Variants in AFF2 observed in about 807,000 individuals in gnomAD.
The protein encoded by AFF2 is AF4/FMR2 family member 2.
A neutral mutation model predicts 76.9 loss-of-function variants in AFF2; 14 were observed. That is an observed-to-expected ratio of 0.18 (90% CI 0.12 to 0.28). The LOEUF is 0.28. AFF2 is among the 10% of genes least tolerant of loss of function. AFF2 has a pLI of 1.00. For synonymous variants in AFF2, 398 were observed against 366.7 expected (o/e 1.09, Z -0.98); for missense variants, 868 against 1,001.1 (o/e 0.87, Z 1.79).
intron 1 of AFF2, among the ~76,000 whole-genome samples, chrX:148,585,023 T>C (rs1360017175): frequency 8.9e-6 from 1 of 112,022 alleles, no homozygotes; most frequent in East Asian, 2.8e-4. Context: ...TGTTCCAGGA[T>C]ACTAAATAAT....
chrX:148,559,119 T>C (rs1029182429), intron 1 of AFF2, among the ~76,000 whole-genome samples: 2 of 111,411 alleles, frequency 1.8e-5, no homozygotes, highest in Non-Finnish European at 3.8e-5. Context: ...ACTTCTTTTC[T>C]ACTCCCTCAT....
intron 3 of AFF2, among the ~76,000 whole-genome samples, chrX:148,730,153 C>T (rs2055204100): frequency 8.9e-6 from 1 of 112,075 alleles, no homozygotes; most frequent in African/African-American, 3.2e-5. Flanking sequence ...CCCTGATGGC[C>T]TCTCTTTAAT....
intron 9 of AFF2, among the ~76,000 whole-genome samples, chrX:148,940,299 T>C (rs782486885): frequency 8.9e-6 from 1 of 112,086 alleles, no homozygotes; most frequent in Non-Finnish European, 1.9e-5. Context: ...TGTTTGAATT[T>C]AGTAGGTAGG....
intron 20 of AFF2, 148 bp from the exon 21 acceptor site, chrX:148,991,063 A>G: frequency 1.6e-6 from 1 of 639,820 alleles, no homozygotes. Context: ...GGCACTCTAT[A>G]AATGTTTGTT....
At position 148,589,223 on chromosome X, in the gene AFF2, G is replaced by A. The variant is rs181118395; in HGVS notation, c.48-62776G>A. Reference sequence around the variant, plus strand: ...TTAATTCTTGCAGGGTTAATTATGAGAAATTAAAAAGCTGCTCTGAACAGA... The same window carrying A: ...TTAATTCTTGCAGGGTTAATTATGAAAAATTAAAAAGCTGCTCTGAACAGA... On this transcript the variant is annotated intron_variant, in intron 1 of 20. Transcript: ENST00000370460. Among the ~76,000 whole-genome samples, 3 of 111,332 alleles carry A rather than the reference G, an allele frequency of 2.7e-5. No homozygotes were observed. In the Admixed American group the frequency reaches 2.9e-4, roughly 11 times the overall value.
intron 1 of AFF2, among the ~76,000 whole-genome samples, chrX:148,571,255 C>T (rs782028777): frequency 8.1e-5 from 9 of 111,748 alleles, no homozygotes; most frequent in Admixed American, 9.5e-5. Context: ...GGCCGCTTGA[C>T]TTGAAGCCAT....
At chrX:148,706,273 G>A (rs142717949) in intron 3 of AFF2, among the ~76,000 whole-genome samples, 1 of 111,915 alleles carries the variant, frequency 8.9e-6, no homozygotes, top group Admixed American at 9.5e-5. Flanking sequence ...TGGACATGAT[G>A]TCTGCCATTT....
chrX:148,967,684 G>T lies in AFF2; in HGVS notation c.3259G>T (p.Asp1087Tyr). The part of the protein sequence containing the change: ...QEAKKLKHKA[D>Y]ALFEKFGKAV... Reference sequence around the variant, plus strand: ...AGCTAAGAAGCTGAAGCACAAAGCTGATGCACTGGTAAGTTTCCTTTTTCT... The same window carrying T: ...AGCTAAGAAGCTGAAGCACAAAGCTTATGCACTGGTAAGTTTCCTTTTTCT... Residue 1087 changes from aspartate (D) to tyrosine (Y), a missense_variant, in exon 15 of 21, where the codon GAT (aspartate) becomes TAT (tyrosine). Transcript: ENST00000370460. 1 of 1,206,787 alleles carries T rather than the reference G, an allele frequency of 8.3e-7. No homozygotes were observed. Among genetic ancestry groups the T allele is most frequent in the Non-Finnish European group, 1.1e-6 (1 of 891,505 alleles).
At chrX:148,655,691 C>T (rs1387797219) in intron 2 of AFF2, among the ~76,000 whole-genome samples, 1 of 111,975 alleles carries the variant, frequency 8.9e-6, no homozygotes, top group East Asian at 2.8e-4. Context: ...TCTTGAGCTG[C>T]ATCCACATTC....
intron 1 of AFF2, among the ~76,000 whole-genome samples, chrX:148,511,514 C>T (rs1227106294): frequency 8.9e-6 from 1 of 112,122 alleles, no homozygotes; most frequent in Non-Finnish European, 1.9e-5. Flanking sequence ...CAATTTCATC[C>T]CAAGGATGTG....
At chrX:148,853,178 A>C (rs1258799806) in intron 7 of AFF2, among the ~76,000 whole-genome samples, 1 of 111,890 alleles carries the variant, frequency 8.9e-6, no homozygotes, top group Non-Finnish European at 1.9e-5. Flanking sequence ...AATCTTAATA[A>C]TACTACTTTC....
At chrX:148,537,175 A>G (rs1460149362) in intron 1 of AFF2, among the ~76,000 whole-genome samples, 1 of 112,331 alleles carries the variant, frequency 8.9e-6, no homozygotes, top group Non-Finnish European at 1.9e-5. Flanking sequence ...TTGCTTAAAA[A>G]TATTTCCCAG....
At chrX:148,937,047 G>A (rs2071783112) in intron 9 of AFF2, among the ~76,000 whole-genome samples, 1 of 111,798 alleles carries the variant, frequency 8.9e-6, no homozygotes, top group South Asian at 3.8e-4. Flanking sequence ...TAGGCTGGTA[G>A]TCCTATGGGT....
At chrX:148,885,470 G>A (rs1164429522) in intron 7 of AFF2, among the ~76,000 whole-genome samples, 1 of 111,390 alleles carries the variant, frequency 9.0e-6, no homozygotes, top group African/African-American at 3.3e-5. Context: ...AGCAGGCTTT[G>A]ACAACAGCCT....
At position 148,893,307 on chromosome X, in the gene AFF2, A is replaced by G. The variant is rs782111972; in HGVS notation, c.1359+7322A>G. 2.7e-5 allele frequency among the ~76,000 whole-genome samples: 3 copies of G among 112,122 alleles called. No individual in the cohort carries two copies. In the South Asian group the frequency reaches 1.1e-3, roughly 42 times the overall value. ...TAATAAGAAACTGCTTAGGGCTTGTATGATGTGGTTTTTAATATGCTTGAG... is the reference window on the plus strand; with the variant it reads ...TAATAAGAAACTGCTTAGGGCTTGTGTGATGTGGTTTTTAATATGCTTGAG... On this transcript the variant is annotated intron_variant, in intron 8 of 20. Transcript: ENST00000370460.
intron 1 of AFF2, among the ~76,000 whole-genome samples, chrX:148,524,865 G>A (rs1428755731): frequency 1.8e-5 from 2 of 112,050 alleles, no homozygotes; most frequent in East Asian, 5.6e-4. Context: ...GTCATGACTT[G>A]TAAAGTACTC....
chrX:148,761,072 T>C (rs2069433820), intron 3 of AFF2, among the ~76,000 whole-genome samples: 1 of 111,763 alleles, frequency 8.9e-6, no homozygotes, highest in African/African-American at 3.3e-5. Flanking sequence ...TCAGTTTCCT[T>C]ATATGTAAAA....
chrX:148,640,796 AT>A (rs782403748), intron 1 of AFF2, among the ~76,000 whole-genome samples: 1 of 112,282 alleles, frequency 8.9e-6, no homozygotes, highest in South Asian at 3.7e-4. Context: ...AGGCCAAATT[AT>A]CAGTTTCCAG....
chrX:148,870,136 A>G (rs1557277218), intron 7 of AFF2, among the ~76,000 whole-genome samples: 1 of 111,106 alleles, frequency 9.0e-6, no homozygotes, highest in African/African-American at 3.3e-5. Context: ...GTTCTGTCCC[A>G]TCCTACGTAG....
Sources: allele counts gnomAD v4.1 joint callset (sites outside exome capture counted in the v4.1 genomes callset), GRCh38; gene constraint gnomAD v4.1.1; transcripts MANE v1.5; gene names NCBI Gene and HGNC (gene_info 2026-07-23, HGNC 2026-07-21).